SH3D19: variants seen among roughly 807,000 people sequenced by gnomAD.
The protein encoded by SH3D19 is SH3 domain containing 19.
Under a neutral mutation model 112.1 loss-of-function variants are expected in SH3D19, and 58 were observed. The ratio of observed to expected loss-of-function variants is 0.52; its 90% CI spans 0.42 to 0.64. The LOEUF (loss-of-function observed/expected upper bound fraction) is 0.64. Ranked by LOEUF, SH3D19 falls within the 30% of genes least tolerant of loss-of-function variation. The probability of loss-of-function intolerance (pLI) is 0.00; values close to 1 mark genes in which losing one functional copy is unlikely to be tolerated. For missense variants in SH3D19, 1,090 were observed against 1,263.4 expected, an observed-to-expected ratio of 0.86 and a Z score of 2.08; for synonymous variants, 391 against 448.5, an observed-to-expected ratio of 0.87 and a Z score of 1.62.
At chr4:151,257,437 G>C (rs1174155740) in intron 1 of SH3D19, among the ~76,000 whole-genome samples, 1 of 152,080 alleles carries the variant, frequency 6.6e-6, no homozygotes, top group Non-Finnish European at 1.5e-5. Context: ...ATTTTTGGAA[G>C]TATAATCTTC....
intron 1 of SH3D19, among the ~76,000 whole-genome samples, chr4:151,271,836 A>C (rs1489561379): frequency 6.6e-6 from 1 of 152,274 alleles, no homozygotes; most frequent in African/African-American, 2.4e-5. Context: ...CTCATTTCTT[A>C]TGAAAATCTT....
Position 151,147,985 on chromosome 4 carries a change from T to TGGGACGAGGGGG in SH3D19, c.2018_2019insCCCCCTCGTCCC (p.Lys673delinsAsnProLeuValPro). On this transcript the variant is annotated protein_altering_variant, in exon 11 of 20. Coordinates refer to ENST00000604030, the MANE Select transcript of SH3D19 (RefSeq NM_001378122.1). ...GAGGGGGTAGCACCGGATCTTGATT[T>TGGGACGAGGGGG]TTAAAAACTTGACTCTTGGCTTTTG... The TGGGACGAGGGGG allele has an allele frequency of 6.2e-7, 1 of 1,614,192 alleles. No homozygotes were observed. The highest frequency in any genetic ancestry group is 8.5e-7 in the Non-Finnish European group (1 of 1,180,032).
intron 1 of SH3D19, chr4:151,266,354 T>A (rs1187125710): frequency 6.6e-6 from 1 of 152,194 alleles, no homozygotes; most frequent in African/African-American, 2.4e-5. Flanking sequence ...AAGAAAAACA[T>A]GTTCTGTTAT....
chr4:151,128,454 G>T, intron 17 of SH3D19, 98 bp from the exon 18 acceptor site: 2 of 957,258 alleles, frequency 2.1e-6, no homozygotes, highest in Non-Finnish European at 1.5e-6. Context: ...AAACTAAGGG[G>T]TCTTAAGATT....
At chr4:151,318,549 C>A (rs1162346028) in intron 1 of SH3D19, among the ~76,000 whole-genome samples, 1 of 152,036 alleles carries the variant, frequency 6.6e-6, no homozygotes, top group Non-Finnish European at 1.5e-5. Flanking sequence ...AACATGAATT[C>A]ATAACTATTC....
At chr4:151,255,406 C>A (rs527944318) in intron 1 of SH3D19, among the ~76,000 whole-genome samples, 1 of 150,162 alleles carries the variant, frequency 6.7e-6, no homozygotes, top group South Asian at 2.1e-4. Flanking sequence ...GGGGCAGAGG[C>A]ACTCCCCACA....
At chr4:151,202,073 C>T (rs150817783) in intron 2 of SH3D19, among the ~76,000 whole-genome samples, 16 of 150,838 alleles carry the variant, frequency 1.1e-4, no homozygotes, top group Non-Finnish European at 2.2e-4. Flanking sequence ...TGGTAGCTCA[C>T]GCCTGTAATC....
At chr4:151,126,739 A>C (rs1446729802) in intron 19 of SH3D19, among the ~76,000 whole-genome samples, 1 of 146,520 alleles carries the variant, frequency 6.8e-6, no homozygotes, top group Non-Finnish European at 1.5e-5. Context: ...TGGAGCTTGC[A>C]GTGAGCCGAG....
intron 11 of SH3D19, among the ~76,000 whole-genome samples, chr4:151,146,781 G>A (rs562126748): frequency 5.9e-4 from 90 of 151,522 alleles, no homozygotes; most frequent in Non-Finnish European, 1.1e-3. Flanking sequence ...TGATCCACCC[G>A]CCTCGGCCTC....
At chr4:151,230,228 GT>G (rs1444239654) in intron 1 of SH3D19, among the ~76,000 whole-genome samples, 2 of 152,214 alleles carry the variant, frequency 1.3e-5, no homozygotes, top group African/African-American at 4.8e-5. Context: ...GGCACAGACA[GT>G]TTTTGGGTAC....
At chr4:151,289,980 G>A (rs1011743378) in intron 1 of SH3D19, among the ~76,000 whole-genome samples, 2 of 152,090 alleles carry the variant, frequency 1.3e-5, no homozygotes, top group East Asian at 3.9e-4. Flanking sequence ...TTAGAAACAG[G>A]GTCTTGCTCT....
chr4:151,218,696 T>G (rs1255494362), intron 2 of SH3D19, among the ~76,000 whole-genome samples: 1 of 152,334 alleles, frequency 6.6e-6, no homozygotes, highest in South Asian at 2.1e-4. Context: ...GCCCATTCAT[T>G]TGATAATCAA....
At chr4:151,250,336 A>G (rs914731256) in intron 1 of SH3D19, among the ~76,000 whole-genome samples, 3 of 152,196 alleles carry the variant, frequency 2.0e-5, no homozygotes, top group African/African-American at 7.2e-5. Flanking sequence ...ACATAGTGGC[A>G]TGGAAGGACT....
Position 151,176,682 on chromosome 4 carries a change from T to C in SH3D19, c.381A>G (p.Pro127=), listed in dbSNP as rs1760001191. Reference sequence around the variant, plus strand: ...CTTTTATAACTTGTTCATAAGATGGTGGGAGCTGAAAAGTAAAGAATGAAG... The same window carrying C: ...CTTTTATAACTTGTTCATAAGATGGCGGGAGCTGAAAAGTAAAGAATGAAG... ...RPNELVPAEL[P]PSYEQVIKEI... is the part of the protein sequence containing the mutation. The change falls in exon 6 of 20, where the codon CCA becomes CCG. Residue 127 remains proline (P), a synonymous_variant. Coordinates refer to ENST00000604030, the MANE Select transcript of SH3D19 (RefSeq NM_001378122.1). The C allele has an allele frequency of 6.5e-6, 8 of 1,232,050 alleles. No homozygotes were observed. The South Asian group carries it at 3.3e-4, about 51-fold the overall frequency. 76.3% of individuals were successfully genotyped at this position (1,232,050 alleles called of 1,614,324 possible).
intron 2 of SH3D19, among the ~76,000 whole-genome samples, chr4:151,217,320 C>T (rs1293118811): frequency 6.6e-6 from 1 of 152,154 alleles, no homozygotes; most frequent in Admixed American, 6.5e-5. Context: ...ATAAAATCTT[C>T]AACATCTTCA....
intron 1 of SH3D19, among the ~76,000 whole-genome samples, chr4:151,267,068 C>T (rs899557599): frequency 1.3e-5 from 2 of 151,468 alleles, no homozygotes; most frequent in Non-Finnish European, 2.9e-5. Flanking sequence ...CCTGTAATCC[C>T]AGCACTTCTG....
chr4:151,275,128 C>T (rs953791210), intron 1 of SH3D19, among the ~76,000 whole-genome samples: 1 of 151,868 alleles, frequency 6.6e-6, no homozygotes, highest in African/African-American at 2.4e-5. Context: ...GCTCTGTCGC[C>T]CAGGCTGGAG....
intron 1 of SH3D19, among the ~76,000 whole-genome samples, chr4:151,274,299 C>A (rs1037547187): frequency 3.3e-5 from 5 of 152,168 alleles, no homozygotes; most frequent in Non-Finnish European, 7.3e-5. Flanking sequence ...AGGTAAACAT[C>A]TTTATGCTAC....
chr4:151,279,908 T>A (rs769469749), intron 1 of SH3D19: 1 of 1,613,736 alleles, frequency 6.2e-7, no homozygotes. Flanking sequence ...TCTGTGGAGG[T>A]TCCCTCGTCA....
Sources: gnomAD v4.1 joint callset for allele counts (sites outside exome capture counted in the v4.1 genomes callset) on GRCh38, gnomAD v4.1.1 for gene constraint, MANE v1.5 for transcripts, NCBI Gene and HGNC (gene_info 2026-07-23, HGNC 2026-07-21) for gene names.